Variants in NOTO observed in about 807,000 individuals in gnomAD.
NOTO encodes the protein notochord homeobox, also known as homeobox protein notochord.
In NOTO, 19 loss-of-function variants were observed where a neutral mutation model predicts 20.5. The observed-to-expected ratio is 0.93, with a 90% CI of 0.65 to 1.36. The LOEUF (loss-of-function observed/expected upper bound fraction) is 1.36, where lower values mean the gene tolerates loss of function less well. NOTO is among the 40% of genes most tolerant of loss of function. The probability of loss-of-function intolerance (pLI) is 0.00; values close to 1 mark genes in which losing one functional copy is unlikely to be tolerated. For missense variants in NOTO, 369 were observed against 336.2 expected (o/e 1.10, Z -0.76); for synonymous variants, 150 against 150.2 (o/e 1.00, Z 0.01).
At position 73,210,875 on chromosome 2, in the gene NOTO, C is replaced by T; in HGVS notation, c.702C>T (p.Ser234=). ...AEAASLDEPS[S]SSIASIQSDD... is the part of the protein sequence containing the mutation. The stretch of plus-strand genomic sequence containing the variant: ...CTGCCTCCCTGGATGAGCCTTCCAG[C>T]AGCTCCATCGCCAGTATCCAGAGTG... The change falls in exon 3 of 3, where the codon AGC becomes AGT. Residue 234 remains serine, a synonymous_variant. Coordinates refer to ENST00000398468, the MANE Select transcript of NOTO (RefSeq NM_001134462.2). 3 of 1,551,686 alleles carry T rather than the reference C, an allele frequency of 1.9e-6. No individual in the cohort carries two copies. Among genetic ancestry groups the T allele is most frequent in the Non-Finnish European group, 2.6e-6 (3 of 1,146,952 alleles).
chr2:73,211,047 G>A lies in NOTO; in HGVS notation c.*118G>A, dbSNP rs1686172907. 1.3e-6 allele frequency: 1 copy of A among 753,676 alleles called. No individual in the cohort carries two copies. Among genetic ancestry groups the A allele is most frequent in the African/African-American group, 1.8e-5 (1 of 56,588 alleles). 46.7% of individuals were successfully genotyped at this position (753,676 alleles called of 1,614,324 possible). A position where few individuals can be genotyped will look rare whatever the true frequency, so the allele number is the denominator to read the frequency against. ...CTCCTCAACCAGAAGAATCTGAGCTGTCAAGCAGGGACCCCCTTTTCTATA... is the reference window on the plus strand; with the variant it reads ...CTCCTCAACCAGAAGAATCTGAGCTATCAAGCAGGGACCCCCTTTTCTATA... On this transcript the variant is annotated 3_prime_UTR_variant, in exon 3 of 3. Transcript: ENST00000398468.
In NOTO at chr2:73,202,847, T is replaced by C; in HGVS notation, c.181T>C (p.Cys61Arg). ...VEAILARPDPCAPAASQPSGS... is the reference protein window; with the variant it reads ...VEAILARPDPRAPAASQPSGS... The stretch of plus-strand genomic sequence containing the variant: ...GGCCATCCTGGCGAGGCCCGACCCC[T>C]GCGCGCCGGCGGCCTCCCAGCCGTC... Residue 61 changes from cysteine (C) to arginine (R), a missense_variant, in exon 1 of 3, where the codon TGC becomes CGC. Transcript: ENST00000398468. The C allele has an allele frequency of 2.0e-6, 3 of 1,526,086 alleles. No homozygotes were observed. The highest frequency in any genetic ancestry group is 1.8e-6 in the Non-Finnish European group (2 of 1,142,186). 94.5% of individuals were successfully genotyped at this position (1,526,086 alleles called of 1,614,324 possible).
At chr2:73,210,435 C>T (rs890729479) in intron 2 of NOTO, among the ~76,000 whole-genome samples, 2 of 152,194 alleles carry the variant, frequency 1.3e-5, no homozygotes, top group Non-Finnish European at 2.9e-5. Flanking sequence ...GTTTGTACCC[C>T]CTTTTGTGTT....
rs1686125605 is a variant in NOTO at position 73,208,676 on chromosome 2, G to T, written c.597+62G>T. On this transcript the variant is annotated intron_variant, in intron 2 of 2. Transcript: ENST00000398468. ...CTGGGGACAAACACTACCTCAGCAA[G>T]GCCCTAAAAGGAGGGTGGGAGGAAG... 5.2e-5 allele frequency: 56 copies of T among 1,069,772 alleles called. 1 individual carries two copies. In the South Asian group the frequency reaches 7.3e-4, roughly 14 times the overall value. The allele number at this position is 1,069,772 out of a possible 1,614,324, so 66.3% of individuals were successfully genotyped here.
rs1248116756 is a variant in NOTO, at chr2:73,202,703, G to A, written c.37G>A (p.Ala13Thr). 4 of 1,510,756 alleles carry A rather than the reference G, an allele frequency of 2.6e-6. No homozygotes were observed. Among genetic ancestry groups the A allele is most frequent in the Non-Finnish European group, 3.5e-6 (4 of 1,136,150 alleles). The allele number at this position is 1,510,756 out of a possible 1,614,324, so 93.6% of individuals were successfully genotyped here. A position where few individuals can be genotyped will look rare whatever the true frequency, so the allele number is the denominator to read the frequency against. Residue 13 changes from alanine (A) to threonine (T), a missense_variant, in exon 1 of 3, where the codon GCT (alanine) becomes ACT (threonine). Ala to Thr is a moderately conservative substitution (Grantham distance 58). Transcript: ENST00000398468. ...CAGGCCGCGAGGCAGCCCGCCACCC[G>A]CTCCCTCGGGCTCTCGGGTCCGACC... Reference protein sequence around the residue: ...SPRPRGSPPPAPSGSRVRPPR... With the variant: ...SPRPRGSPPPTPSGSRVRPPR...
chr2:73,209,494 A>T (rs1686138939), intron 2 of NOTO, among the ~76,000 whole-genome samples: 1 of 152,146 alleles, frequency 6.6e-6, no homozygotes, highest in South Asian at 2.1e-4. Flanking sequence ...ACCACTCAGC[A>T]GCTCTTAGTA....
intron 2 of NOTO, among the ~76,000 whole-genome samples, chr2:73,209,816 G>T (rs1276327519): frequency 1.3e-5 from 2 of 151,986 alleles, no homozygotes; most frequent in East Asian, 3.9e-4. Context: ...CTCAATTCCT[G>T]ACTTTTTTCT....
chr2:73,207,502 G>C (rs778083720), intron 1 of NOTO, among the ~76,000 whole-genome samples: 19 of 152,086 alleles, frequency 1.2e-4, no homozygotes, highest in Non-Finnish European at 2.1e-4. Flanking sequence ...CCCACAGCTT[G>C]GTCTCATTTA....
At chr2:73,205,046 A>G (rs182496712) in intron 1 of NOTO, among the ~76,000 whole-genome samples, 1 of 151,936 alleles carries the variant, frequency 6.6e-6, no homozygotes, top group East Asian at 1.9e-4. Context: ...ACACCTGGCT[A>G]ATTTTTTGTA....
At chr2:73,205,654 T>C (rs1302388512) in intron 1 of NOTO, among the ~76,000 whole-genome samples, 1 of 152,140 alleles carries the variant, frequency 6.6e-6, no homozygotes, top group Non-Finnish European at 1.5e-5. Flanking sequence ...CTTTTTTTTT[T>C]CTTTTTTGAG....
At chr2:73,207,167 C>A (rs1686099763) in intron 1 of NOTO, among the ~76,000 whole-genome samples, 1 of 152,144 alleles carries the variant, frequency 6.6e-6, no homozygotes, top group African/African-American at 2.4e-5. Flanking sequence ...GATTCTGAAA[C>A]AAGGCTGACT....
At chr2:73,210,320 C>T (rs946297457) in intron 2 of NOTO, among the ~76,000 whole-genome samples, 1 of 151,966 alleles carries the variant, frequency 6.6e-6, no homozygotes, top group African/African-American at 2.4e-5. Flanking sequence ...TTGTTCCCTG[C>T]CCTGCAGACC....
rs1686118837 is a variant in NOTO, at chr2:73,208,445, G to A, written c.428G>A (p.Trp143Ter). The A allele has an allele frequency of 6.4e-7, 1 of 1,551,648 alleles. No individual in the cohort carries two copies. Among genetic ancestry groups the A allele is most frequent in the South Asian group, 1.2e-5 (1 of 84,054 alleles). Residue 143 changes from tryptophan to a stop codon, truncating the protein, a stop_gained, in exon 2 of 3, where the codon TGG becomes TAG. Coordinates refer to ENST00000398468, the MANE Select transcript of NOTO (RefSeq NM_001134462.2). LOFTEE classifies it high-confidence loss of function. ...TCAGGACTCTGGGCCTTCCCAGACT[G>A]GGCCCCAACGGAGGACCTACAGGAC... The part of the protein sequence containing the change: ...HCSGLWAFPD[W>*]APTEDLQDTE...
chr2:73,203,045 A>C lies in NOTO; in HGVS notation c.379A>C (p.Thr127Pro). 7.2e-7 allele frequency: 1 copy of C among 1,389,782 alleles called. No individual in the cohort carries two copies. The highest frequency in any genetic ancestry group is 9.3e-7 in the Non-Finnish European group (1 of 1,076,012). 86.1% of individuals were successfully genotyped at this position (1,389,782 alleles called of 1,614,324 possible). The change falls in exon 1 of 3, where the codon ACA (threonine) becomes CCA (proline). Residue 127 changes from threonine (T) to proline (P), a missense_variant. Thr to Pro is a conservative substitution (Grantham distance 38). Coordinates refer to ENST00000398468, the MANE Select transcript of NOTO (RefSeq NM_001134462.2). ...PVCGLLGFGV[T>P]GLELAHCSGL... ...CTGCGGCCTGCTGGGCTTCGGCGTC[A>C]CAGGTACTGCGGTCCCGGCGCCCGC...
rs1424020504 is a variant in NOTO, at chr2:73,202,714, C to G, written c.48C>G (p.Gly16=). 2.0e-6 allele frequency: 3 copies of G among 1,516,460 alleles called. No homozygotes were observed. In the Admixed American group the frequency reaches 6.1e-5, roughly 31 times the overall value. The allele number at this position is 1,516,460 out of a possible 1,614,324, so 93.9% of individuals were successfully genotyped here. The change falls in exon 1 of 3, where the codon GGC becomes GGG. Residue 16 remains glycine, a synonymous_variant. Transcript: ENST00000398468. ...PRGSPPPAPS[G]SRVRPPRSGR... Reference sequence around the variant, plus strand: ...GCAGCCCGCCACCCGCTCCCTCGGGCTCTCGGGTCCGACCTCCGCGCTCTG... The same window carrying G: ...GCAGCCCGCCACCCGCTCCCTCGGGGTCTCGGGTCCGACCTCCGCGCTCTG...
In NOTO at chr2:73,211,024, C is replaced by T; in HGVS notation, c.*95C>T. 1 of 1,003,154 alleles carries T rather than the reference C, an allele frequency of 1.0e-6. No homozygotes were observed. The highest frequency in any genetic ancestry group is 1.4e-6 in the Non-Finnish European group (1 of 696,020). The allele number at this position is 1,003,154 out of a possible 1,614,324, so 62.1% of individuals were successfully genotyped here. A position where few individuals can be genotyped will look rare whatever the true frequency, so the allele number is the denominator to read the frequency against. ...TGCCTCACACCTCAACGAAAAGCCT[C>T]CTCAACCAGAAGAATCTGAGCTGTC... On this transcript the variant is annotated 3_prime_UTR_variant, in exon 3 of 3. Transcript: ENST00000398468.
At chr2:73,203,537 G>C (rs1014739565) in intron 1 of NOTO, among the ~76,000 whole-genome samples, 2 of 152,136 alleles carry the variant, frequency 1.3e-5, no homozygotes, top group African/African-American at 4.8e-5. Flanking sequence ...GTTAGGAGCT[G>C]GTCAAGGCTC....
At chr2:73,207,491 G>C (rs1686105004) in intron 1 of NOTO, among the ~76,000 whole-genome samples, 1 of 152,048 alleles carries the variant, frequency 6.6e-6, no homozygotes, top group African/African-American at 2.4e-5. Context: ...ATCTCCACTG[G>C]CCCACAGCTT....
chr2:73,206,787 CT>C (rs969908382), intron 1 of NOTO, among the ~76,000 whole-genome samples: 9,283 of 89,858 alleles, frequency 0.1, 412 homozygotes, highest in African/African-American at 0.2. Context: ...CCAACTAGAG[CT>C]TTTTTTTTTT....
Sources: gnomAD v4.1 joint callset for allele counts (sites outside exome capture counted in the v4.1 genomes callset) on GRCh38, gnomAD v4.1.1 for gene constraint, MANE v1.5 for transcripts, NCBI Gene and HGNC (gene_info 2026-07-23, HGNC 2026-07-21) for gene names.